Variants in SLC35D4 observed in about 807,000 individuals in gnomAD.
The protein encoded by SLC35D4 is solute carrier family 35 member D4.
chr18:23,377,689 A>C, the SLC35D4 span: 1 of 1,564,848 alleles, frequency 6.4e-7, no homozygotes, highest in Non-Finnish European at 8.6e-7. Context: ...AAAGTAAAGA[A>C]ACATACAATT....
the SLC35D4 span, chr18:23,296,869 C>T: frequency 6.6e-6 from 1 of 151,162 alleles, no homozygotes; most frequent in African/African-American, 2.4e-5. Flanking sequence ...AAAAAAAGGA[C>T]ATGCAGAATT....
At chr18:23,414,688 T>C in the SLC35D4 span, among the ~76,000 whole-genome samples, 1 of 151,508 alleles carries the variant, frequency 6.6e-6, no homozygotes, top group Admixed American at 6.6e-5. Flanking sequence ...AAAAAAAAAT[T>C]TAAGTACAGC....
chr18:23,255,957 C>CT, the SLC35D4 span, among the ~76,000 whole-genome samples: 1 of 152,168 alleles, frequency 6.6e-6, no homozygotes, highest in Non-Finnish European at 1.5e-5. Flanking sequence ...ACAGCAAAAG[C>CT]TGACTTTACC....
At chr18:23,421,366 C>A in the SLC35D4 span, 1 of 1,613,806 alleles carries the variant, frequency 6.2e-7, no homozygotes, top group East Asian at 2.2e-5. Flanking sequence ...AGAGGTTATA[C>A]CTTGAACTGC....
At chr18:23,406,606 C>T in the SLC35D4 span, among the ~76,000 whole-genome samples, 6 of 152,296 alleles carry the variant, frequency 3.9e-5, no homozygotes, top group East Asian at 1.2e-3. Flanking sequence ...CTGAACTACA[C>T]CCAAAGAAAG....
the SLC35D4 span, among the ~76,000 whole-genome samples, chr18:23,404,170 A>T: frequency 6.6e-6 from 1 of 152,262 alleles, no homozygotes; most frequent in South Asian, 2.1e-4. Flanking sequence ...GTCTCCCTTT[A>T]GTTTATTATT....
At chr18:23,284,288 G>T in the SLC35D4 span, among the ~76,000 whole-genome samples, 1 of 152,154 alleles carries the variant, frequency 6.6e-6, no homozygotes, top group Non-Finnish European at 1.5e-5. Context: ...AGGTGAAAGA[G>T]AATAGACTTT....
At chr18:23,307,704 C>G in the SLC35D4 span, among the ~76,000 whole-genome samples, 1 of 152,252 alleles carries the variant, frequency 6.6e-6, no homozygotes, top group Non-Finnish European at 1.5e-5. Context: ...CTGTGTTACT[C>G]ATGGCCCAAA....
the SLC35D4 span, among the ~76,000 whole-genome samples, chr18:23,405,128 C>T: frequency 0.72 from 109,331 of 151,916 alleles, 40,077 homozygotes; most frequent in African/African-American, 0.86. Context: ...TCAAATCTGC[C>T]AGTGCCCTCA....
At chr18:23,247,920 A>C in the SLC35D4 span, among the ~76,000 whole-genome samples, 2 of 152,232 alleles carry the variant, frequency 1.3e-5, no homozygotes, top group Non-Finnish European at 2.9e-5. Flanking sequence ...AGGGTCTCGC[A>C]GCATCTGCTC....
chr18:23,396,644 T>C, the SLC35D4 span, among the ~76,000 whole-genome samples: 49 of 152,224 alleles, frequency 3.2e-4, no homozygotes, highest in African/African-American at 1.1e-3. Context: ...GCAGGGTGCA[T>C]GGCCCGTGTC....
the SLC35D4 span, among the ~76,000 whole-genome samples, chr18:23,347,807 T>C: frequency 1.2e-4 from 19 of 152,234 alleles, no homozygotes; most frequent in Non-Finnish European, 1.2e-4. Context: ...ATTAATATTC[T>C]ACATTATTTT....
the SLC35D4 span, among the ~76,000 whole-genome samples, chr18:23,256,046 T>C: frequency 3.9e-5 from 6 of 152,184 alleles, no homozygotes; most frequent in Non-Finnish European, 7.3e-5. Flanking sequence ...TCCTCACTAT[T>C]GATGCAGAAT....
At chr18:23,316,215 C>G in the SLC35D4 span, among the ~76,000 whole-genome samples, 1 of 152,216 alleles carries the variant, frequency 6.6e-6, no homozygotes, top group Non-Finnish European at 1.5e-5. Context: ...CGGGCGGACT[C>G]CAGCTCTCCC....
the SLC35D4 span, among the ~76,000 whole-genome samples, chr18:23,287,209 T>C: frequency 5.9e-5 from 9 of 152,304 alleles, no homozygotes; most frequent in African/African-American, 2.2e-4. Flanking sequence ...TCAACCAAAT[T>C]GTTTTGCCTA....
the SLC35D4 span, among the ~76,000 whole-genome samples, chr18:23,247,106 A>G: frequency 2.0e-5 from 3 of 152,194 alleles, no homozygotes; most frequent in Non-Finnish European, 2.9e-5. Context: ...TGGTAATCCC[A>G]CTGCCGTGGC....
the SLC35D4 span, among the ~76,000 whole-genome samples, chr18:23,240,157 G>T: frequency 2.0e-5 from 3 of 152,080 alleles, no homozygotes; most frequent in African/African-American, 4.8e-5. Context: ...AATGATGGAA[G>T]GGTTGGACGT....
the SLC35D4 span, among the ~76,000 whole-genome samples, chr18:23,372,011 C>T: frequency 7.9e-6 from 1 of 126,286 alleles, no homozygotes; most frequent in Non-Finnish European, 1.6e-5. Context: ...TCTCGGCTCA[C>T]TGCAAGCTCC....
chr18:23,312,794 C>T, the SLC35D4 span, among the ~76,000 whole-genome samples: 1 of 152,120 alleles, frequency 6.6e-6, no homozygotes, highest in African/African-American at 2.4e-5. Flanking sequence ...AAGGTCAGTG[C>T]CGCAGAGCCT....
Sources: allele counts gnomAD v4.1 joint callset (sites outside exome capture counted in the v4.1 genomes callset), GRCh38; gene constraint gnomAD v4.1.1; transcripts MANE v1.5; gene names NCBI Gene and HGNC (gene_info 2026-07-23, HGNC 2026-07-21).